The following HFM1 variants were observed in gnomAD, a reference collection of about 807,000 sequenced individuals.
HFM1 encodes the protein helicase for meiosis 1.
Under a neutral mutation model 192.1 loss-of-function variants are expected in HFM1, and 169 were observed. That is an observed-to-expected ratio of 0.88 (90% CI 0.78 to 1.00). The LOEUF (loss-of-function observed/expected upper bound fraction) is 1.00, where lower values mean the gene tolerates loss of function less well. HFM1 is among the 50% of genes least tolerant of loss of function. The pLI is 0.00. For missense variants in HFM1, 1,661 were observed against 1,668.0 expected (o/e 1.00, Z 0.07); for synonymous variants, 525 against 537.8 (o/e 0.98, Z 0.33).
intron 6 of HFM1, among the ~76,000 whole-genome samples, chr1:91,384,037 T>C (rs1661883219): frequency 6.6e-6 from 1 of 152,226 alleles, no homozygotes; most frequent in South Asian, 2.1e-4. Context: ...TGACATTATA[T>C]GATATGATTC....
chr1:91,406,446 A>G (rs1026414719), upstream of HFM1, among the ~76,000 whole-genome samples: 18 of 152,224 alleles, frequency 1.2e-4, no homozygotes, highest in Admixed American at 5.2e-4. Context: ...TCAAGAATGC[A>G]TGTGGAATCT....
At chr1:91,306,535 T>C (rs1380562076) in intron 30 of HFM1, among the ~76,000 whole-genome samples, 1 of 152,192 alleles carries the variant, frequency 6.6e-6, no homozygotes, top group Non-Finnish European at 1.5e-5. Context: ...CCTGCATACA[T>C]GCAATAAACC....
At chr1:91,295,190 A>T (rs1006348426) in intron 30 of HFM1, among the ~76,000 whole-genome samples, 1 of 152,170 alleles carries the variant, frequency 6.6e-6, no homozygotes, top group African/African-American at 2.4e-5. Context: ...TGTTTAATTG[A>T]GTACCCATTT....
At chr1:91,389,132 G>GTTTTTTTT (rs34874992) in intron 4 of HFM1, among the ~76,000 whole-genome samples, 1 of 82,522 alleles carries the variant, frequency 1.2e-5, no homozygotes, top group Non-Finnish European at 2.2e-5. Context: ...TTTTTGTTGG[G>GTTTTTTTT]TTTTTTTTTT....
chr1:91,293,371 A>T (rs1243071257), intron 30 of HFM1, among the ~76,000 whole-genome samples: 1 of 152,194 alleles, frequency 6.6e-6, no homozygotes, highest in Non-Finnish European at 1.5e-5. Flanking sequence ...AAACAACCCC[A>T]TCAAAAAGTG....
chr1:91,353,748 T>C (rs1557900371), intron 13 of HFM1, among the ~76,000 whole-genome samples: 1 of 148,812 alleles, frequency 6.7e-6, no homozygotes, highest in Non-Finnish European at 1.5e-5. Context: ...GGAAGCAAGA[T>C]GGTCAACTAG....
intron 4 of HFM1, among the ~76,000 whole-genome samples, chr1:91,389,553 C>T (rs1347362390): frequency 6.6e-6 from 1 of 152,114 alleles, no homozygotes; most frequent in African/African-American, 2.4e-5. Flanking sequence ...TGTTCATACA[C>T]ACACCAAAGA....
intron 13 of HFM1, among the ~76,000 whole-genome samples, chr1:91,364,881 C>T (rs1332566704): frequency 1.3e-5 from 2 of 151,776 alleles, no homozygotes; most frequent in African/African-American, 4.8e-5. Flanking sequence ...GATTCGCCTG[C>T]CTCGGCCTCC....
chr1:91,366,744 C>A (rs1029218879), intron 13 of HFM1, among the ~76,000 whole-genome samples: 5 of 152,200 alleles, frequency 3.3e-5, no homozygotes, highest in African/African-American at 1.2e-4. Flanking sequence ...GTACTGGGTT[C>A]ATCTCACTGG....
At chr1:91,324,530 A>G in intron 21 of HFM1, 145 bp downstream of exon 21, 1 of 581,112 alleles carries the variant, frequency 1.7e-6, no homozygotes, top group East Asian at 3.0e-5. Context: ...CATGATCAGA[A>G]TTATACCAGA....
At chr1:91,266,965 C>T (rs1665822403) in intron 35 of HFM1, among the ~76,000 whole-genome samples, 4 of 152,146 alleles carry the variant, frequency 2.6e-5, no homozygotes, top group Admixed American at 2.6e-4. Flanking sequence ...AACTGCTTCC[C>T]TTTGAAATAC....
chr1:91,282,193 T>C (rs186799123), intron 30 of HFM1, among the ~76,000 whole-genome samples: 3 of 152,324 alleles, frequency 2.0e-5, no homozygotes, highest in Non-Finnish European at 4.4e-5. Flanking sequence ...GGTTCTTAAA[T>C]TGCCCCCCTT....
chr1:91,302,195 T>C (rs1409926696), intron 30 of HFM1, among the ~76,000 whole-genome samples: 14 of 151,266 alleles, frequency 9.3e-5, no homozygotes, highest in Admixed American at 5.3e-4. Context: ...CTCATCATGA[T>C]TGGCCATCAG....
chr1:91,329,399 T>A, intron 20 of HFM1: 3 of 1,582,256 alleles, frequency 1.9e-6, no homozygotes, highest in Non-Finnish European at 2.6e-6. Context: ...GCCGCCTGGA[T>A]GATTTCTTCA....
At position 91,380,193 on chromosome 1, in the gene HFM1, C is replaced by A; in HGVS notation, c.917G>T (p.Gly306Val). ...TTCAAACACTACAGTTTTTCCAGAA[C>A]CAGTTGGAGCACAAATCACAAAATT... ...DRNFVICAPT[G>V]SGKTVVFELA... The change falls in exon 8 of 39, where the codon GGT (glycine) becomes GTT (valine). Residue 306 changes from glycine (G) to valine (V), a missense_variant. Gly to Val is a moderately radical substitution (Grantham distance 109). Coordinates refer to ENST00000370425, the MANE Select transcript of HFM1 (RefSeq NM_001017975.6). 3 of 1,577,928 alleles carry A rather than the reference C, an allele frequency of 1.9e-6. No individual in the cohort carries two copies. Among genetic ancestry groups the A allele is most frequent in the Non-Finnish European group, 2.6e-6 (3 of 1,156,596 alleles).
intron 20 of HFM1, among the ~76,000 whole-genome samples, chr1:91,327,513 T>C (rs1161631386): frequency 6.6e-6 from 1 of 151,956 alleles, no homozygotes; most frequent in Non-Finnish European, 1.5e-5. Flanking sequence ...AAGAGAGAGA[T>C]AGGCCCCAAT....
At chr1:91,359,265 G>T (rs1006484563) in intron 13 of HFM1, among the ~76,000 whole-genome samples, 1 of 152,102 alleles carries the variant, frequency 6.6e-6, no homozygotes, top group Non-Finnish European at 1.5e-5. Context: ...TGGCTGAATC[G>T]ACAGAAGTAG....
chr1:91,355,330 CAATT>C (rs1391535937), intron 13 of HFM1, among the ~76,000 whole-genome samples: 2 of 151,288 alleles, frequency 1.3e-5, no homozygotes, highest in Non-Finnish European at 2.9e-5. Context: ...AACCAGAAAA[CAATT>C]AAAATGGCAG....
chr1:91,291,245 A>T (rs1202351473), intron 30 of HFM1, among the ~76,000 whole-genome samples: 1 of 152,226 alleles, frequency 6.6e-6, no homozygotes. Flanking sequence ...ACCCTTCAAA[A>T]AATTAATGAA....
Sources: allele counts gnomAD v4.1 joint callset (sites outside exome capture counted in the v4.1 genomes callset), GRCh38; gene constraint gnomAD v4.1.1; transcripts MANE v1.5; gene names NCBI Gene and HGNC (gene_info 2026-07-23, HGNC 2026-07-21).